Variants in NFASC observed in about 807,000 individuals in gnomAD.
NFASC encodes the protein neurofascin.
A neutral mutation model predicts 147.5 loss-of-function variants in NFASC; 43 were observed. The ratio of observed to expected loss-of-function variants is 0.29; its 90% CI spans 0.23 to 0.38. NFASC has a LOEUF of 0.38. NFASC is among the 10% of genes least tolerant of loss of function. The pLI is 1.00. For missense variants in NFASC, 1,320 were observed against 1,689.0 expected (o/e 0.78, Z 3.83); for synonymous variants, 622 against 665.5 (o/e 0.93, Z 1.01).
chr1:205,001,470 G>T (rs879601715), intron 26 of NFASC, among the ~76,000 whole-genome samples, 184 bp downstream of exon 26: 4 of 152,148 alleles, frequency 2.6e-5, no homozygotes, highest in Non-Finnish European at 4.4e-5. Context: ...GGAGGAACAG[G>T]CTCAAGGAAA....
chr1:204,828,665 T>G lies in NFASC; in HGVS notation c.-317T>G, dbSNP rs917860863. On this transcript the variant is annotated 5_prime_UTR_variant, in exon 1 of 30. Transcript: ENST00000339876. ...CCGCCCGGGGACGCGCACGGGCTGG[T>G]CTCTGCCCTAATGCGGCGGCTGGCG... is the stretch of plus-strand genomic sequence containing the variant. 98 of 985,108 alleles carry G rather than the reference T, an allele frequency of 9.9e-5. No individual in the cohort carries two copies. Among genetic ancestry groups the G allele is most frequent in the Non-Finnish European group, 1.2e-4 (97 of 829,960 alleles). The allele number at this position is 985,108 out of a possible 1,614,324, so 61.0% of individuals were successfully genotyped here.
intron 2 of NFASC, among the ~76,000 whole-genome samples, chr1:204,939,758 G>A (rs2093219874): frequency 6.6e-6 from 1 of 152,264 alleles, no homozygotes; most frequent in Non-Finnish European, 1.5e-5. Context: ...CTTGATTGCT[G>A]TAGGCTAGCA....
intron 1 of NFASC, among the ~76,000 whole-genome samples, chr1:204,851,230 AT>A (rs1045745203): frequency 5.3e-5 from 8 of 152,094 alleles, no homozygotes; most frequent in African/African-American, 1.7e-4. Context: ...GCTTTTGACT[AT>A]TTTTAAACCT....
chr1:204,998,018 G>T (rs1386066474), intron 25 of NFASC: 1 of 93,162 alleles, frequency 1.1e-5, no homozygotes, highest in Non-Finnish European at 2.4e-5. Context: ...TATTGCCAAG[G>T]AGGCCCTTAA....
At chr1:204,897,049 T>C (rs965290502) in intron 1 of NFASC, among the ~76,000 whole-genome samples, 1 of 151,934 alleles carries the variant, frequency 6.6e-6, no homozygotes, top group Non-Finnish European at 1.5e-5. Context: ...TGACTGTAGG[T>C]TCCCCCCCTT....
Position 204,954,134 on chromosome 1 carries a change from A to G in NFASC, c.216-54A>G. ...GACTAGGGATCTGAGATCTGCCTGG[A>G]GCCCAGAGCCCACCCCATTCGTCTT... On this transcript the variant is annotated intron_variant, in intron 5 of 29. Coordinates refer to ENST00000339876, the MANE Select transcript of NFASC (RefSeq NM_001005388.3). This position sits in a 1 kb window ranked among gnomAD's most constrained non-coding sequence, Gnocchi z 5.7. 6.5e-7 allele frequency: 1 copy of G among 1,534,702 alleles called. No individual in the cohort carries two copies. The highest frequency in any genetic ancestry group is 1.4e-5 in the African/African-American group (1 of 73,386).
chr1:204,987,221 C>T lies in NFASC; in HGVS notation c.2471-197C>T. ...AGTCTGAGCTATGTTTGTCCTCAGA[C>T]CTGAAGGAAATAGCATCCTGGATGG... On this transcript the variant is annotated intron_variant, in intron 21 of 29. Transcript: ENST00000339876. The surrounding 1 kb of genome is among the most constrained non-coding windows in gnomAD (Gnocchi z 4.4). 1.7e-6 allele frequency: 1 copy of T among 592,686 alleles called. No homozygotes were observed. Among genetic ancestry groups the T allele is most frequent in the South Asian group, 2.1e-5 (1 of 47,444 alleles). The allele number at this position is 592,686 out of a possible 1,614,324, so 36.7% of individuals were successfully genotyped here.
intron 8 of NFASC, among the ~76,000 whole-genome samples, chr1:204,963,042 G>A (rs2094764317): frequency 6.6e-6 from 1 of 152,192 alleles, no homozygotes. Context: ...TGCCTCAGAA[G>A]CTGAGGCTGC....
At chr1:205,003,585 G>GTAA (rs1162629927) in intron 27 of NFASC, among the ~76,000 whole-genome samples, 98 of 152,246 alleles carry the variant, frequency 6.4e-4, no homozygotes, top group African/African-American at 2.2e-3. Flanking sequence ...CTAAGCCCTG[G>GTAA]GGCTAAGGGT....
rs193045299 is a variant in NFASC at position 204,959,577 on chromosome 1, G to T, written c.706+1751G>T. On this transcript the variant is annotated intron_variant, in intron 8 of 29. Transcript: ENST00000339876. Reference sequence around the variant, plus strand: ...AGGGATGTCAAGAACAAGATAACATGCTCGCTGAGCTGAGCCTGGACAGCC... The same window carrying T: ...AGGGATGTCAAGAACAAGATAACATTCTCGCTGAGCTGAGCCTGGACAGCC... 2.9e-3 allele frequency among the ~76,000 whole-genome samples: 443 copies of T among 152,312 alleles called. 1 individual carries two copies. Among genetic ancestry groups the T allele is most frequent in the African/African-American group, 0.01 (418 of 41,570 alleles).
chr1:204,829,369 C>T (rs1671547814), intron 1 of NFASC, among the ~76,000 whole-genome samples: 1 of 151,814 alleles, frequency 6.6e-6, no homozygotes, highest in South Asian at 2.1e-4. Context: ...TCAAGAACCC[C>T]GCCTTCTCCC....
At chr1:204,939,060 G>GTGTGTA (rs2093142770) in intron 2 of NFASC, among the ~76,000 whole-genome samples, 1 of 151,346 alleles carries the variant, frequency 6.6e-6, no homozygotes, top group Admixed American at 6.6e-5. Context: ...GTGTGTGTGT[G>GTGTGTA]TGTGTGTGTG....
At chr1:204,904,800 CA>C (rs2085430094) in intron 1 of NFASC, among the ~76,000 whole-genome samples, 1 of 152,146 alleles carries the variant, frequency 6.6e-6, no homozygotes, top group African/African-American at 2.4e-5. Context: ...GTTCATGACT[CA>C]CTCTCATCAT....
At chr1:204,865,298 A>G (rs2077020684) in intron 1 of NFASC, among the ~76,000 whole-genome samples, 1 of 152,200 alleles carries the variant, frequency 6.6e-6, no homozygotes, top group Non-Finnish European at 1.5e-5. Context: ...AAAATAGAAA[A>G]CTTATACTGT....
intron 23 of NFASC, among the ~76,000 whole-genome samples, chr1:204,990,979 G>A (rs950966270): frequency 1.3e-5 from 2 of 152,214 alleles, no homozygotes; most frequent in Non-Finnish European, 2.9e-5. Context: ...TGAGTGGACT[G>A]TCCCTGCAGC....
intron 1 of NFASC, among the ~76,000 whole-genome samples, chr1:204,833,639 C>G (rs1029458619): frequency 1.6e-4 from 24 of 152,300 alleles, no homozygotes; most frequent in Non-Finnish European, 2.5e-4. Flanking sequence ...AAGACTGAGA[C>G]AGGTAAAACA....
intron 2 of NFASC, among the ~76,000 whole-genome samples, chr1:204,934,569 T>TATC: frequency 6.6e-6 from 1 of 152,332 alleles, no homozygotes. Flanking sequence ...CCTTCCGGGT[T>TATC]ATCCTCAGAT....
intron 20 of NFASC, among the ~76,000 whole-genome samples, chr1:204,981,341 GAC>G (rs2095505710): frequency 6.6e-6 from 1 of 152,268 alleles, no homozygotes; most frequent in African/African-American, 2.4e-5. Flanking sequence ...GGACAGGACA[GAC>G]ACACACAAAT....
At chr1:204,891,439 A>T (rs191975067) in intron 1 of NFASC, among the ~76,000 whole-genome samples, 1 of 152,114 alleles carries the variant, frequency 6.6e-6, no homozygotes, top group Non-Finnish European at 1.5e-5. Flanking sequence ...CATGCCTGGG[A>T]TCTCTGAATA....
Sources: gnomAD v4.1 joint callset for allele counts (sites outside exome capture counted in the v4.1 genomes callset) on GRCh38, gnomAD v4.1.1 for gene constraint, Gnocchi (gnomAD v3.1) non-coding constraint, MANE v1.5 for transcripts, NCBI Gene and HGNC (gene_info 2026-07-23, HGNC 2026-07-21) for gene names.